The following UNC13C variants were observed in gnomAD, a reference collection of about 807,000 sequenced individuals.
The protein encoded by UNC13C is unc-13 homolog C, also known as protein unc-13 homolog C.
A neutral mutation model predicts 245.4 loss-of-function variants in UNC13C; 174 were observed. The ratio of observed to expected loss-of-function variants is 0.71; its 90% confidence interval spans 0.63 to 0.80. UNC13C has a LOEUF of 0.80. Among genes scored for constraint, UNC13C ranks in the 30% least tolerant of loss-of-function variants. The pLI, the probability that UNC13C is intolerant of heterozygous loss-of-function variation, is 0.00. For missense variants in UNC13C, 2,829 were observed against 2,602.9 expected (o/e 1.09, Z -1.89); for synonymous variants, 992 against 895.1 (o/e 1.11, Z -1.93).
intron 4 of UNC13C, among the ~76,000 whole-genome samples, chr15:54,201,942 A>G (rs1258034509): frequency 8.5e-5 from 13 of 152,076 alleles, no homozygotes; most frequent in Non-Finnish European, 1.9e-4. Flanking sequence ...AAGCTTCTAG[A>G]ACTGGTAAAT....
chr15:53,902,428 A>G, the UNC13C span, among the ~76,000 whole-genome samples: 4 of 152,220 alleles, frequency 2.6e-5, no homozygotes, highest in Admixed American at 2.0e-4. Flanking sequence ...TACTGAAAAA[A>G]GGAATAACCT....
intron 13 of UNC13C, among the ~76,000 whole-genome samples, chr15:54,305,814 A>T (rs1316158324): frequency 6.6e-6 from 1 of 152,086 alleles, no homozygotes; most frequent in African/African-American, 2.4e-5. Flanking sequence ...AAAAGTCCTT[A>T]ATTCTGTGGA....
intron 2 of UNC13C, among the ~76,000 whole-genome samples, chr15:54,091,483 A>G (rs965198420): frequency 1.3e-5 from 2 of 152,164 alleles, no homozygotes; most frequent in African/African-American, 2.4e-5. Flanking sequence ...GTTTATAATG[A>G]TAAGTCCTTT....
chr15:53,907,782 T>C, the UNC13C span, among the ~76,000 whole-genome samples: 1 of 114,930 alleles, frequency 8.7e-6, no homozygotes, highest in Admixed American at 9.5e-5. Flanking sequence ...TCTTCATTGC[T>C]ACTATATCTC....
At chr15:54,112,322 T>G (rs1438290503) in intron 2 of UNC13C, among the ~76,000 whole-genome samples, 2 of 152,172 alleles carry the variant, frequency 1.3e-5, no homozygotes, top group Non-Finnish European at 2.9e-5. Flanking sequence ...GAGGGGCTCC[T>G]GAGTGGGTCT....
chr15:53,941,503 G>A, the UNC13C span, among the ~76,000 whole-genome samples: 3 of 151,994 alleles, frequency 2.0e-5, no homozygotes, highest in South Asian at 6.2e-4. Context: ...AGAGTGAACA[G>A]ACCACCTACA....
chr15:54,130,323 C>T (rs1161045521), intron 2 of UNC13C, among the ~76,000 whole-genome samples: 1 of 117,260 alleles, frequency 8.5e-6, no homozygotes, highest in African/African-American at 3.3e-5. Context: ...GACGGAGTCT[C>T]AGTCTGTCTC....
chr15:53,927,547 A>C, the UNC13C span, among the ~76,000 whole-genome samples: 1 of 152,192 alleles, frequency 6.6e-6, no homozygotes, highest in African/African-American at 2.4e-5. Context: ...CACTAACAAG[A>C]CACTTATTAG....
Position 54,575,629 on chromosome 15 carries a change from C to T in UNC13C, c.6106+7682C>T, listed in dbSNP as rs555249142. Among the ~76,000 whole-genome samples, 5 of 151,876 alleles carry T rather than the reference C, an allele frequency of 3.3e-5. No individual in the cohort carries two copies. The East Asian group carries it at 9.7e-4, about 29-fold the overall frequency. ...CGCTGAAATTTCAACTGGATAGCCA[C>T]CTCTGGAAAAAATGCTGAGAAATGT... On this transcript the variant is annotated intron_variant, in intron 30 of 32. Transcript: ENST00000260323.
At chr15:53,895,103 C>A in the UNC13C span, among the ~76,000 whole-genome samples, 14 of 151,962 alleles carry the variant, frequency 9.2e-5, no homozygotes, top group East Asian at 2.7e-3. Flanking sequence ...GTGGCTCATG[C>A]CTGTAATCCC....
the UNC13C span, among the ~76,000 whole-genome samples, chr15:53,857,429 G>A: frequency 6.6e-6 from 1 of 152,168 alleles, no homozygotes; most frequent in Non-Finnish European, 1.5e-5. Context: ...TAGCATGTAT[G>A]AGATGGCAAG....
intron 17 of UNC13C, among the ~76,000 whole-genome samples, chr15:54,351,924 T>C (rs1192607697): frequency 6.6e-6 from 1 of 152,004 alleles, no homozygotes; most frequent in African/African-American, 2.4e-5. Context: ...ACTTCAGAGG[T>C]AGTAGAACTC....
intron 30 of UNC13C, among the ~76,000 whole-genome samples, chr15:54,574,999 T>C (rs1897896526): frequency 6.6e-6 from 1 of 152,158 alleles, no homozygotes; most frequent in East Asian, 1.9e-4. Context: ...TTATTGGTCA[T>C]TTTTATAATT....
At chr15:54,401,876 T>C (rs1376107694) in intron 18 of UNC13C, among the ~76,000 whole-genome samples, 1 of 152,148 alleles carries the variant, frequency 6.6e-6, no homozygotes, top group Non-Finnish European at 1.5e-5. Flanking sequence ...TCCAGTACAA[T>C]GTGGTAATGG....
chr15:54,501,860 T>C (rs149089543), intron 22 of UNC13C, among the ~76,000 whole-genome samples: 2 of 152,092 alleles, frequency 1.3e-5, no homozygotes, highest in African/African-American at 2.4e-5. Context: ...GAGACTGACA[T>C]GGGAAGGGCA....
intron 1 of UNC13C, among the ~76,000 whole-genome samples, chr15:53,995,692 T>C (rs1031305437): frequency 2.0e-5 from 3 of 151,992 alleles, no homozygotes; most frequent in African/African-American, 7.2e-5. Flanking sequence ...CTCCAGCAGG[T>C]CCCATTGTCG....
rs1407216416 is a variant in UNC13C, at chr15:54,297,922, A to G, written c.4100A>G (p.His1367Arg). ...TATCATATTCAATATACATGTTTAC[A>G]TGAGGTAAATAAATGGAATTTTACT... Reference protein sequence around the residue: ...APYHIQYTCLHENLFHYLTEV... With the variant: ...APYHIQYTCLRENLFHYLTEV... The change falls in exon 12 of 33, where the codon CAT becomes CGT. Residue 1367 changes from histidine (H) to arginine (R), a missense_variant. Coordinates refer to ENST00000260323, the MANE Select transcript of UNC13C (RefSeq NM_001080534.3). 2 of 1,544,836 alleles carry G rather than the reference A, an allele frequency of 1.3e-6. No homozygotes were observed. The highest frequency in any genetic ancestry group is 1.4e-5 in the African/African-American group (1 of 73,130).
At chr15:54,053,738 C>T (rs896659845) in intron 2 of UNC13C, among the ~76,000 whole-genome samples, 25 of 152,170 alleles carry the variant, frequency 1.6e-4, no homozygotes, top group African/African-American at 6.0e-4. Context: ...CTTATTTATT[C>T]TAAGTTTATT....
intron 11 of UNC13C, among the ~76,000 whole-genome samples, chr15:54,294,643 C>T (rs2037384012): frequency 6.6e-6 from 1 of 151,960 alleles, no homozygotes; most frequent in South Asian, 2.1e-4. Context: ...TTAACTTTTA[C>T]TAGAATAAAA....
Sources: allele counts gnomAD v4.1 joint callset (sites outside exome capture counted in the v4.1 genomes callset), GRCh38; gene constraint gnomAD v4.1.1; transcripts MANE v1.5; gene names NCBI Gene and HGNC (gene_info 2026-07-23, HGNC 2026-07-21).